SDK1: variants seen among roughly 807,000 people sequenced by gnomAD.
SDK1 encodes the protein protein sidekick-1.
In SDK1, 157 loss-of-function variants were observed where a neutral mutation model predicts 245.5. That is an observed-to-expected ratio of 0.64 (90% CI 0.56 to 0.73). SDK1 has a LOEUF of 0.73. Ranked by LOEUF, SDK1 falls within the 30% of genes least tolerant of loss-of-function variation. The pLI is 0.00. For synonymous variants in SDK1, 1,647 were observed against 1,278.5 expected (o/e 1.29, Z -6.15); for missense variants, 3,583 against 3,002.3 (o/e 1.19, Z -4.52).
chr7:4,121,772 A>G (rs1413790967), intron 25 of SDK1, among the ~76,000 whole-genome samples: 1 of 152,196 alleles, frequency 6.6e-6, no homozygotes, highest in East Asian at 1.9e-4. Flanking sequence ...TTGTTCTTGC[A>G]ACTGAAGCTT....
intron 5 of SDK1, among the ~76,000 whole-genome samples, chr7:3,926,492 G>T (rs187312513): frequency 5.6e-4 from 85 of 152,196 alleles, no homozygotes; most frequent in African/African-American, 1.9e-3. Context: ...ACAGGATCTC[G>T]CTCTTTCACC....
intron 1 of SDK1, among the ~76,000 whole-genome samples, chr7:3,533,998 G>C (rs1778791878): frequency 1.3e-5 from 2 of 152,270 alleles, no homozygotes; most frequent in South Asian, 2.1e-4. Flanking sequence ...CTGTATAGCA[G>C]ATCTCTGGAA....
chr7:4,213,890 C>T (rs750713975), intron 38 of SDK1, among the ~76,000 whole-genome samples: 1 of 152,184 alleles, frequency 6.6e-6, no homozygotes, highest in African/African-American at 2.4e-5. Flanking sequence ...TTCAGCATGT[C>T]CCGCTTACAT....
intron 4 of SDK1, among the ~76,000 whole-genome samples, chr7:3,692,696 G>T (rs1364357128): frequency 6.6e-6 from 1 of 151,282 alleles, no homozygotes; most frequent in African/African-American, 2.4e-5. Flanking sequence ...TATTTTTGAG[G>T]TGATTCATAT....
At position 4,176,872 on chromosome 7, in the gene SDK1, C is replaced by T. The variant is rs1782246568; in HGVS notation, c.4996+1038C>T. Among the ~76,000 whole-genome samples, 4 of 152,250 alleles carry T rather than the reference C, an allele frequency of 2.6e-5. No individual in the cohort carries two copies. In the South Asian group the frequency reaches 8.3e-4, roughly 32 times the overall value. ...TGAAAGACCACGTTTTGTTTCTCCA[C>T]TCAGCCTCCCTTCACCCTTTCAATA... On this transcript the variant is annotated intron_variant, in intron 34 of 44. Coordinates refer to ENST00000404826, the MANE Select transcript of SDK1 (RefSeq NM_152744.4).
intron 1 of SDK1, among the ~76,000 whole-genome samples, chr7:3,504,957 C>T (rs897801482): frequency 6.6e-6 from 1 of 152,032 alleles, no homozygotes; most frequent in Non-Finnish European, 1.5e-5. Flanking sequence ...AACTAGTTTC[C>T]AAATGTAATG....
intron 4 of SDK1, among the ~76,000 whole-genome samples, chr7:3,729,775 T>C (rs1779123923): frequency 6.6e-6 from 1 of 152,178 alleles, no homozygotes; most frequent in African/African-American, 2.4e-5. Flanking sequence ...TCTTTTTTAA[T>C]GACCAGAATT....
chr7:3,615,448 G>C (rs922960165), intron 1 of SDK1, among the ~76,000 whole-genome samples: 3 of 151,656 alleles, frequency 2.0e-5, no homozygotes, highest in Non-Finnish European at 4.4e-5. Flanking sequence ...CTTGGAACAG[G>C]ACAAGGCTCG....
At chr7:4,091,156 T>G (rs1043653757) in intron 22 of SDK1, among the ~76,000 whole-genome samples, 2 of 152,042 alleles carry the variant, frequency 1.3e-5, no homozygotes, top group African/African-American at 4.8e-5. Flanking sequence ...TTTCCAGGAC[T>G]TAAGTACAGG....
chr7:4,070,048 G>A (rs930192524), intron 20 of SDK1, among the ~76,000 whole-genome samples: 1 of 152,196 alleles, frequency 6.6e-6, no homozygotes, highest in Non-Finnish European at 1.5e-5. Flanking sequence ...AGCACCCTGA[G>A]GCCACAGAAA....
intron 28 of SDK1, among the ~76,000 whole-genome samples, 163 bp from the exon 29 acceptor site, chr7:4,145,559 C>A (rs1481985025): frequency 6.6e-6 from 1 of 152,132 alleles, no homozygotes; most frequent in Non-Finnish European, 1.5e-5. Context: ...CCCCACCATT[C>A]ATCACAGCCA....
intron 1 of SDK1, among the ~76,000 whole-genome samples, chr7:3,349,579 C>G (rs73048655): frequency 0.1 from 15,684 of 152,084 alleles, 1,017 homozygotes; most frequent in African/African-American, 0.18. Flanking sequence ...TCATACCTGC[C>G]TTTTTGGGCC....
chr7:3,552,078 G>C (rs961026995), intron 1 of SDK1, among the ~76,000 whole-genome samples: 1 of 150,900 alleles, frequency 6.6e-6, no homozygotes, highest in African/African-American at 2.4e-5. Flanking sequence ...TCGCTCTGTC[G>C]CCCAGGCTGG....
chr7:3,817,695 C>T (rs958750573), intron 4 of SDK1, among the ~76,000 whole-genome samples: 6 of 152,176 alleles, frequency 3.9e-5, no homozygotes, highest in Non-Finnish European at 7.3e-5. Context: ...CCCTCCCTCC[C>T]CCATGCCCAA....
At chr7:3,802,553 A>G (rs1472492972) in intron 4 of SDK1, among the ~76,000 whole-genome samples, 1 of 151,460 alleles carries the variant, frequency 6.6e-6, no homozygotes, top group Non-Finnish European at 1.5e-5. Context: ...AAAAAGTGCT[A>G]CAGAGCTGTT....
At chr7:3,435,897 T>C (rs1458270789) in intron 1 of SDK1, among the ~76,000 whole-genome samples, 1 of 152,216 alleles carries the variant, frequency 6.6e-6, no homozygotes, top group Non-Finnish European at 1.5e-5. Context: ...GTTAACAAGA[T>C]TGTGTTAAAG....
chr7:3,765,674 G>C (rs1583391554), intron 4 of SDK1, among the ~76,000 whole-genome samples: 1 of 152,174 alleles, frequency 6.6e-6, no homozygotes, highest in Non-Finnish European at 1.5e-5. Flanking sequence ...TATGCTTTCA[G>C]TGTAGTCAGC....
intron 1 of SDK1, among the ~76,000 whole-genome samples, chr7:3,544,997 T>G (rs940467202): frequency 3.2e-4 from 49 of 152,100 alleles, no homozygotes; most frequent in African/African-American, 9.7e-4. Flanking sequence ...CTGCCTGCCT[T>G]TCTTTTCTGC....
chr7:3,530,554 A>G (rs1448466256), intron 1 of SDK1, among the ~76,000 whole-genome samples: 1 of 152,244 alleles, frequency 6.6e-6, no homozygotes, highest in Non-Finnish European at 1.5e-5. Flanking sequence ...TAAAAGAAAA[A>G]TATATTGATA....
Sources: allele counts gnomAD v4.1 joint callset (sites outside exome capture counted in the v4.1 genomes callset), GRCh38; gene constraint gnomAD v4.1.1; transcripts MANE v1.5; gene names NCBI Gene and HGNC (gene_info 2026-07-23, HGNC 2026-07-21).